The following EXD2 variants were observed in gnomAD, a reference collection of about 807,000 sequenced individuals.
EXD2 encodes the protein exonuclease 3'-5' domain-containing protein 2.
Under a neutral mutation model 62.5 loss-of-function variants are expected in EXD2, and 40 were observed. The observed-to-expected ratio is 0.64, with a 90% CI of 0.50 to 0.83. The LOEUF is 0.83. EXD2 is among the 40% of genes least tolerant of loss of function. EXD2 has a pLI of 0.00. For missense variants in EXD2, 671 were observed against 761.8 expected, an observed-to-expected ratio of 0.88 and a Z score of 1.40; for synonymous variants, 239 against 291.9, an observed-to-expected ratio of 0.82 and a Z score of 1.85.
At chr14:69,215,303 T>G (rs1205667421) in intron 3 of EXD2, among the ~76,000 whole-genome samples, 1 of 74,690 alleles carries the variant, frequency 1.3e-5, no homozygotes, top group African/African-American at 3.2e-5. Flanking sequence ...AATATATGTG[T>G]GTGTGTGTGT....
chr14:69,212,939 G>A (rs1044438495), intron 3 of EXD2, among the ~76,000 whole-genome samples: 3 of 151,538 alleles, frequency 2.0e-5, no homozygotes, highest in African/African-American at 4.8e-5. Context: ...TCAAACTCTT[G>A]GACTCAAGCA....
intron 9 of EXD2, among the ~76,000 whole-genome samples, chr14:69,238,343 C>T (rs764018830): frequency 2.0e-5 from 3 of 152,144 alleles, no homozygotes; most frequent in Non-Finnish European, 4.4e-5. Context: ...AGTACATTCA[C>T]CCCTCAGTAT....
chr14:69,240,808 C>T lies in EXD2; in HGVS notation c.1650-76C>T, dbSNP rs532484467. ...TCAACCTCCCCAGTTACCCTTGGCGCGCAGCATTTGAAGCTGTCTGTGAGG... is the reference window on the plus strand; with the variant it reads ...TCAACCTCCCCAGTTACCCTTGGCGTGCAGCATTTGAAGCTGTCTGTGAGG... On this transcript the variant is annotated intron_variant, in intron 9 of 9. Transcript: ENST00000685843. The T allele has an allele frequency of 2.3e-5, 30 of 1,312,928 alleles. 1 individual carries two copies. In the East Asian group the frequency reaches 4.5e-4, roughly 20 times the overall value. The allele number at this position is 1,312,928 out of a possible 1,614,324, so 81.3% of individuals were successfully genotyped here.
intron 3 of EXD2, among the ~76,000 whole-genome samples, chr14:69,211,240 A>G (rs1242646936): frequency 1.3e-5 from 2 of 152,022 alleles, no homozygotes; most frequent in Admixed American, 1.3e-4. Flanking sequence ...TTGTCATTTC[A>G]ACAGTGTTCA....
intron 3 of EXD2, among the ~76,000 whole-genome samples, chr14:69,217,649 C>T (rs1389866037): frequency 6.6e-6 from 1 of 152,050 alleles, no homozygotes; most frequent in Non-Finnish European, 1.5e-5. Context: ...ATTAACTCGT[C>T]ATTTACATTA....
At chr14:69,222,031 T>C (rs1346724489) in intron 3 of EXD2, among the ~76,000 whole-genome samples, 1 of 150,124 alleles carries the variant, frequency 6.7e-6, no homozygotes, top group African/African-American at 2.5e-5. Flanking sequence ...GAGGTTGCAG[T>C]GAGCCAAGAT....
intron 3 of EXD2, among the ~76,000 whole-genome samples, chr14:69,227,391 G>A (rs1363929475): frequency 6.6e-6 from 1 of 152,216 alleles, no homozygotes; most frequent in Non-Finnish European, 1.5e-5. Context: ...CTCCTGACAA[G>A]TGAGAAGGAT....
chr14:69,196,457 A>G (rs151004276), intron 1 of EXD2, among the ~76,000 whole-genome samples: 14 of 152,294 alleles, frequency 9.2e-5, no homozygotes, highest in Admixed American at 5.2e-4. Context: ...ATGAATAGCT[A>G]TGAACTTTAG....
intron 9 of EXD2, among the ~76,000 whole-genome samples, chr14:69,240,267 CTTAG>C (rs1468724530): frequency 2.6e-5 from 4 of 152,036 alleles, no homozygotes; most frequent in African/African-American, 4.8e-5. Context: ...AAGGACTCTG[CTTAG>C]TTAGGAAGGA....
intron 3 of EXD2, among the ~76,000 whole-genome samples, chr14:69,216,028 A>G (rs534021292): frequency 1.2e-4 from 19 of 152,310 alleles, no homozygotes; most frequent in East Asian, 1.2e-3. Context: ...CACAGTCATG[A>G]ACATATTCTC....
At chr14:69,204,718 A>G (rs1320103765) in intron 2 of EXD2, among the ~76,000 whole-genome samples, 1 of 152,208 alleles carries the variant, frequency 6.6e-6, no homozygotes, top group Non-Finnish European at 1.5e-5. Flanking sequence ...ACTGAACCAT[A>G]CTACCTCTTT....
chr14:69,231,044 A>G (rs974274524), intron 5 of EXD2, among the ~76,000 whole-genome samples: 1 of 152,104 alleles, frequency 6.6e-6, no homozygotes, highest in African/African-American at 2.4e-5. Flanking sequence ...CTCAACCTCC[A>G]GGTGTGAGCT....
intron 2 of EXD2, among the ~76,000 whole-genome samples, chr14:69,207,839 C>T (rs777097275): frequency 6.6e-6 from 1 of 151,986 alleles, no homozygotes; most frequent in African/African-American, 2.4e-5. Flanking sequence ...CAGCTTGTGC[C>T]GAATGGTTGC....
At position 69,202,384 on chromosome 14, in the gene EXD2, TAAATAA is replaced by T. The variant is rs2042439156; in HGVS notation, c.-131-1523_-131-1518del. Among the ~76,000 whole-genome samples, 3 of 151,960 alleles carry T rather than the reference TAAATAA, an allele frequency of 2.0e-5. No homozygotes were observed. The South Asian group carries it at 6.2e-4, about 32-fold the overall frequency. ...AAAGTGAGGCCCTGTCTCAAAAAAATAAATAAAAATAAAAACAATATCCCCACTCTT... is the reference window on the plus strand; with the variant it reads ...AAAGTGAGGCCCTGTCTCAAAAAAATAAATAAAAACAATATCCCCACTCTT... On this transcript the variant is annotated intron_variant, in intron 1 of 9. Transcript: ENST00000685843.
chr14:69,204,933 T>C (rs2042536034), intron 2 of EXD2, among the ~76,000 whole-genome samples: 1 of 152,198 alleles, frequency 6.6e-6, no homozygotes, highest in African/African-American at 2.4e-5. Context: ...ACAAAGCCAG[T>C]TAAGGTTCCT....
rs768098924 is a variant in EXD2, at chr14:69,237,697, A to T, written c.1415A>T (p.His472Leu). 6.2e-7 allele frequency: 1 copy of T among 1,614,092 alleles called. No homozygotes were observed. The highest frequency in any genetic ancestry group is 1.1e-5 in the South Asian group (1 of 91,082). ...CHAISNYYDN[H>L]LKQQLAKEFQ... ...GCCATTTCCAACTACTATGACAACC[A>T]TCTGAAGCAGCAGCTGGCCAAGGAG... is the stretch of plus-strand genomic sequence containing the variant. The change falls in exon 9 of 10, where the codon CAT (histidine) becomes CTT (leucine). Residue 472 changes from histidine to leucine, a missense_variant. His to Leu is a moderately conservative substitution (Grantham distance 99). Coordinates refer to ENST00000685843, the MANE Select transcript of EXD2 (RefSeq NM_001193360.2).
chr14:69,220,032 A>T (rs927725525), intron 3 of EXD2, among the ~76,000 whole-genome samples: 4 of 151,848 alleles, frequency 2.6e-5, no homozygotes, highest in African/African-American at 9.7e-5. Context: ...TTTTTTTTTA[A>T]ATCATGAATG....
chr14:69,197,466 A>C (rs1356746492), intron 1 of EXD2, among the ~76,000 whole-genome samples: 2 of 151,788 alleles, frequency 1.3e-5, no homozygotes, highest in Non-Finnish European at 2.9e-5. Context: ...TCAGGGTGGT[A>C]CATGTGCAGG....
chr14:69,217,877 T>C (rs935327975), intron 3 of EXD2, among the ~76,000 whole-genome samples: 16 of 152,270 alleles, frequency 1.1e-4, no homozygotes, highest in African/African-American at 3.6e-4. Flanking sequence ...ACTCATCCTT[T>C]TTTATGGCTG....
Sources: gnomAD v4.1 joint callset for allele counts (sites outside exome capture counted in the v4.1 genomes callset) on GRCh38, gnomAD v4.1.1 for gene constraint, MANE v1.5 for transcripts, NCBI Gene and HGNC (gene_info 2026-07-23, HGNC 2026-07-21) for gene names.